The following KCNK10 variants were observed in gnomAD, a reference collection of about 807,000 sequenced individuals.
The protein encoded by KCNK10 is potassium two pore domain channel subfamily K member 10, also known as potassium channel subfamily K member 10.
A neutral mutation model predicts 47.7 loss-of-function variants in KCNK10; 25 were observed. The ratio of observed to expected loss-of-function variants is 0.52; its 90% confidence interval spans 0.38 to 0.73. The LOEUF (loss-of-function observed/expected upper bound fraction) is 0.73, where lower values mean the gene tolerates loss of function less well. Ranked by LOEUF, KCNK10 falls within the 30% of genes least tolerant of loss-of-function variation. The probability of loss-of-function intolerance (pLI) is 0.00; values close to 1 mark genes in which losing one functional copy is unlikely to be tolerated. For missense variants in KCNK10, 563 were observed against 714.5 expected (o/e 0.79, Z 2.42); for synonymous variants, 303 against 285.6 (o/e 1.06, Z -0.61).
intron 3 of KCNK10, among the ~76,000 whole-genome samples, chr14:88,231,620 G>A (rs1052172086): frequency 3.9e-5 from 6 of 152,180 alleles, no homozygotes; most frequent in Admixed American, 6.5e-5. Flanking sequence ...AGCTAGTTAC[G>A]GGGGACCCAC....
chr14:88,314,556 C>G (rs1888390539), intron 1 of KCNK10, among the ~76,000 whole-genome samples: 1 of 152,204 alleles, frequency 6.6e-6, no homozygotes. Flanking sequence ...TTTCACTGGT[C>G]TTTTCTCTGA....
intron 4 of KCNK10, among the ~76,000 whole-genome samples, chr14:88,211,053 C>T (rs959273557): frequency 6.6e-6 from 1 of 152,114 alleles, no homozygotes; most frequent in Admixed American, 6.5e-5. Context: ...TGTTTATACA[C>T]CCATGTTCAT....
rs1317795127 is a variant in KCNK10, at chr14:88,310,155, C to CATATACCATATGATATGGTATA, written c.52+12591_52+12592insTATACCATATCATATGGTATAT. 2.8e-3 allele frequency among the ~76,000 whole-genome samples: 68 copies of CATATACCATATGATATGGTATA among 23,986 alleles called. 1 individual carries two copies. The highest frequency in any genetic ancestry group is 0.012 in the African/African-American group (62 of 5,346). 15.7% of individuals were successfully genotyped at this position (23,986 alleles called of 152,430 possible). On this transcript the variant is annotated intron_variant, in intron 1 of 6. Coordinates refer to ENST00000319231, the MANE Select transcript of KCNK10 (RefSeq NM_138317.3). ...AGCTGATGTTTTAATCCATATCTCT[C>CATATACCATATGATATGGTATA]TCATATACCATATCATATGGTATAT...
intron 2 of KCNK10, among the ~76,000 whole-genome samples, chr14:88,248,664 G>A (rs1886707899): frequency 6.6e-6 from 1 of 152,122 alleles, no homozygotes. Flanking sequence ...AGGAAGCAGA[G>A]GCTGCAGTAA....
At position 88,188,030 on chromosome 14, in the gene KCNK10, A is replaced by G. The variant is rs1340279749; in HGVS notation, c.948T>C (p.Phe316=). 1.2e-6 allele frequency: 2 copies of G among 1,614,194 alleles called. No individual in the cohort carries two copies. Among genetic ancestry groups the G allele is most frequent in the Admixed American group, 1.7e-5 (1 of 60,030 alleles). Reference sequence around the variant, plus strand: ...CTCCGATCATACTGAGGACAGCTGCAAAGTAGGCAAGGCCAACAAGGATCC... The same window carrying G: ...CTCCGATCATACTGAGGACAGCTGCGAAGTAGGCAAGGCCAACAAGGATCC... ...WFWILVGLAY[F]AAVLSMIGDW... is the part of the protein sequence containing the mutation. Residue 316 remains phenylalanine (F), a synonymous_variant, in exon 6 of 7, where the codon TTT becomes TTC. Transcript: ENST00000319231.
rs774784327 is a variant in KCNK10, at chr14:88,263,297, C to T, written c.307G>A (p.Glu103Lys). 6.2e-7 allele frequency: 1 copy of T among 1,614,114 alleles called. No homozygotes were observed. The highest frequency in any genetic ancestry group is 8.5e-7 in the Non-Finnish European group (1 of 1,180,042). Residue 103 changes from glutamate (E) to lysine (K), a missense_variant, in exon 2 of 7, where the codon GAG becomes AAG. Physicochemically the swap from Glu to Lys is moderately conservative, Grantham distance 56. Transcript: ENST00000319231. ...GCGATGGTATTCTTCTGGCTGCTCT[C>T]AAAGGGCTGCTCCAATGCCCGGAAG... The part of the protein sequence containing the change: ...LVFRALEQPF[E>K]SSQKNTIALE...
rs1887166825 is a variant in KCNK10 at position 88,263,376 on chromosome 14, C to G, written c.228G>C (p.Thr76=). The G allele has an allele frequency of 1.9e-6, 3 of 1,614,028 alleles. No individual in the cohort carries two copies. Among genetic ancestry groups the G allele is most frequent in the Non-Finnish European group, 2.5e-6 (3 of 1,180,046 alleles). Residue 76 remains threonine (T), a synonymous_variant, in exon 2 of 7, where the codon ACG becomes ACC. Transcript: ENST00000319231. ...CCACAACCACAAAGATGGCAACCACCGTCTTCCACTTCATGACGGTCTGCA... is the reference window on the plus strand; with the variant it reads ...CCACAACCACAAAGATGGCAACCACGGTCTTCCACTTCATGACGGTCTGCA... ...GGLQTVMKWK[T]VVAIFVVVVV...
intron 1 of KCNK10, among the ~76,000 whole-genome samples, chr14:88,300,277 ACTT>A (rs1468658372): frequency 1.3e-5 from 2 of 152,026 alleles, no homozygotes; most frequent in Non-Finnish European, 2.9e-5. Context: ...AAAACCACCT[ACTT>A]CTTCTACTTC....
rs1887161516 is a variant in KCNK10, at chr14:88,263,227, G to A, written c.377C>T (p.Pro126Leu). The A allele has an allele frequency of 6.2e-7, 1 of 1,613,888 alleles. No homozygotes were observed. The highest frequency in any genetic ancestry group is 1.3e-5 in the African/African-American group (1 of 75,046). ...EFLRDHVCVS[P>L]QELETLIQHA... ...CTGGATCAACGTCTCCAGCTCCTGG[G>A]GGCTCACACAGACATGATCCCGCAG... The change falls in exon 2 of 7, where the codon CCC (proline) becomes CTC (leucine). Residue 126 changes from proline (P) to leucine (L), a missense_variant. Physicochemically the swap from Pro to Leu is moderately conservative, Grantham distance 98. Transcript: ENST00000319231.
At chr14:88,279,319 G>A (rs1887595206) in intron 1 of KCNK10, among the ~76,000 whole-genome samples, 1 of 151,390 alleles carries the variant, frequency 6.6e-6, no homozygotes, top group African/African-American at 2.4e-5. Flanking sequence ...TGCATCGCAT[G>A]GTAGCTTCTA....
chr14:88,208,560 A>T (rs1017701427), intron 4 of KCNK10, among the ~76,000 whole-genome samples: 6 of 152,340 alleles, frequency 3.9e-5, no homozygotes, highest in Admixed American at 3.9e-4. Context: ...TGGTAATAAC[A>T]TTGCAAGAAT....
chr14:88,223,802 T>A (rs551264272), intron 4 of KCNK10, among the ~76,000 whole-genome samples: 3 of 152,342 alleles, frequency 2.0e-5, no homozygotes, highest in Non-Finnish European at 4.4e-5. Flanking sequence ...TCTGTCTTAG[T>A]GGCATGTCTT....
chr14:88,248,771 G>T (rs1886711690), intron 2 of KCNK10, among the ~76,000 whole-genome samples: 1 of 151,850 alleles, frequency 6.6e-6, no homozygotes, highest in Non-Finnish European at 1.5e-5. Flanking sequence ...CATTTTCTGT[G>T]CCTCCTTAAG....
At position 88,322,021 on chromosome 14, in the gene KCNK10, G is replaced by C. The variant is rs1277866251; in HGVS notation, c.52+726C>G. ...ATCCGTCTTAATCCCTCCCTTTTGC[G>C]TGGATGAAACCTGGTCCAACATTCG... is the stretch of plus-strand genomic sequence containing the variant. On this transcript the variant is annotated intron_variant, in intron 1 of 6. Coordinates refer to ENST00000319231, the MANE Select transcript of KCNK10 (RefSeq NM_138317.3). This position sits in a 1 kb window ranked among gnomAD's most constrained non-coding sequence, Gnocchi z 4.8. Among the ~76,000 whole-genome samples the C allele has an allele frequency of 1.3e-4, 20 of 152,150 alleles. No individual in the cohort carries two copies. Among genetic ancestry groups the C allele is most frequent in the Admixed American group, 1.3e-3 (20 of 15,278 alleles).
rs1007895569 is a variant in KCNK10, at chr14:88,185,328, C to T, written c.*207G>A. 7 of 692,976 alleles carry T rather than the reference C, an allele frequency of 1.0e-5. 1 individual carries two copies. The Admixed American group carries it at 1.2e-4, about 12-fold the overall frequency. 42.9% of individuals were successfully genotyped at this position (692,976 alleles called of 1,614,324 possible). A position where few individuals can be genotyped will look rare whatever the true frequency, so the allele number is the denominator to read the frequency against. ...GCACGGACACTCTTGGTGTGTCCTGCGTTTGCTATCTGAAATGAAGTTCTT... is the reference window on the plus strand; with the variant it reads ...GCACGGACACTCTTGGTGTGTCCTGTGTTTGCTATCTGAAATGAAGTTCTT... On this transcript the variant is annotated 3_prime_UTR_variant, in exon 7 of 7. Transcript: ENST00000319231. The surrounding 1 kb of genome is among the most constrained non-coding windows in gnomAD (Gnocchi z 4.3).
chr14:88,267,828 G>C (rs1056038922), intron 1 of KCNK10, among the ~76,000 whole-genome samples: 9 of 152,198 alleles, frequency 5.9e-5, no homozygotes, highest in African/African-American at 2.2e-4. Context: ...TGGCCAGATG[G>C]TGATGAGGAT....
At chr14:88,192,962 C>T (rs1884798047) in intron 4 of KCNK10, among the ~76,000 whole-genome samples, 2 of 152,170 alleles carry the variant, frequency 1.3e-5, no homozygotes, top group Non-Finnish European at 2.9e-5. Context: ...CACCTGTGAC[C>T]GACTCTAGCC....
chr14:88,274,849 C>T (rs1231844378), intron 1 of KCNK10, among the ~76,000 whole-genome samples: 1 of 152,112 alleles, frequency 6.6e-6, no homozygotes, highest in Non-Finnish European at 1.5e-5. Flanking sequence ...CACATCCAGG[C>T]TGCCAAGCCA....
rs1888583608 is a variant in KCNK10, at chr14:88,323,077, A to T, written c.-279T>A. 1.3e-5 allele frequency: 16 copies of T among 1,266,556 alleles called. No individual in the cohort carries two copies. The South Asian group carries it at 2.2e-4, about 18-fold the overall frequency. The allele number at this position is 1,266,556 out of a possible 1,614,324, so 78.5% of individuals were successfully genotyped here. A position where few individuals can be genotyped will look rare whatever the true frequency, so the allele number is the denominator to read the frequency against. Reference sequence around the variant, plus strand: ...AGATCGGCGAGGGGTGGATGAAAGGATGGAGAGGAAGGCTTGGGGAGATGG... The same window carrying T: ...AGATCGGCGAGGGGTGGATGAAAGGTTGGAGAGGAAGGCTTGGGGAGATGG... On this transcript the variant is annotated 5_prime_UTR_variant, in exon 1 of 7. Transcript: ENST00000319231.
Sources: allele counts gnomAD v4.1 joint callset (sites outside exome capture counted in the v4.1 genomes callset), GRCh38; gene constraint gnomAD v4.1.1; non-coding constraint Gnocchi (gnomAD v3.1); transcripts MANE v1.5; gene names NCBI Gene and HGNC (gene_info 2026-07-23, HGNC 2026-07-21).